The following SORCS2 variants were observed in gnomAD, a reference collection of about 807,000 sequenced individuals.
The protein encoded by SORCS2 is sortilin related VPS10 domain containing receptor 2.
A neutral mutation model predicts 141.6 loss-of-function variants in SORCS2; 100 were observed. The ratio of observed to expected loss-of-function variants is 0.71; its 90% CI spans 0.60 to 0.83. The LOEUF (loss-of-function observed/expected upper bound fraction) is 0.83. SORCS2 is among the 40% of genes least tolerant of loss of function. The pLI is 0.00. For missense variants in SORCS2, 1,646 were observed against 1,560.2 expected, an observed-to-expected ratio of 1.05 and a Z score of -0.93; for synonymous variants, 789 against 676.9, an observed-to-expected ratio of 1.17 and a Z score of -2.57.
At chr4:7,354,376 G>T (rs1245322366) in intron 1 of SORCS2, among the ~76,000 whole-genome samples, 8 of 151,982 alleles carry the variant, frequency 5.3e-5, no homozygotes, top group African/African-American at 1.9e-4. Context: ...TGGGGGCTCA[G>T]CCCCCTGGCT....
At chr4:7,283,351 G>A (rs1022102930) in intron 1 of SORCS2, among the ~76,000 whole-genome samples, 3 of 152,222 alleles carry the variant, frequency 2.0e-5, no homozygotes, top group African/African-American at 7.2e-5. Flanking sequence ...TTCCTGGGCT[G>A]CTTTGCAGGG....
rs574907294 is a variant in SORCS2 at position 7,628,850 on chromosome 4, C to T, written c.649-9478C>T. ...CACTGAACTGTACACTCGAGAAGGG[C>T]TCACAAGGGAAATTTTATGATATGT... is the stretch of plus-strand genomic sequence containing the variant. On this transcript the variant is annotated intron_variant, in intron 3 of 26. Transcript: ENST00000507866. 1.1e-4 allele frequency among the ~76,000 whole-genome samples: 16 copies of T among 152,288 alleles called. No individual in the cohort carries two copies. In the South Asian group the frequency reaches 3.3e-3, roughly 32 times the overall value.
At chr4:7,418,742 A>G (rs1204219995) in intron 2 of SORCS2, among the ~76,000 whole-genome samples, 2 of 141,802 alleles carry the variant, frequency 1.4e-5, no homozygotes, top group African/African-American at 5.1e-5. Context: ...AACAACAGTC[A>G]TTCATTGAGC....
chr4:7,451,911 C>G lies in SORCS2; in HGVS notation c.548+55556C>G, dbSNP rs370028756. ...CCTGGCAGGCAGCACCTTCCTCCTC[C>G]CAGGACAGGAGCGAGATCCCCTGAG... On this transcript the variant is annotated intron_variant, in intron 2 of 26. Transcript: ENST00000507866. 7.9e-5 allele frequency among the ~76,000 whole-genome samples: 12 copies of G among 152,314 alleles called. No homozygotes were observed. In the South Asian group the frequency reaches 1.7e-3, roughly 21 times the overall value.
intron 1 of SORCS2, among the ~76,000 whole-genome samples, chr4:7,284,745 CA>C (rs1307470788): frequency 6.6e-6 from 1 of 152,208 alleles, no homozygotes; most frequent in Admixed American, 6.5e-5. Context: ...CAAATTGCTA[CA>C]ACCGGGTGGC....
At chr4:7,658,023 G>A (rs1286578817) in intron 5 of SORCS2, among the ~76,000 whole-genome samples, 5 of 152,096 alleles carry the variant, frequency 3.3e-5, no homozygotes, top group African/African-American at 1.2e-4. Context: ...CTGAGTGAGC[G>A]AGTCTGTGAC....
intron 3 of SORCS2, among the ~76,000 whole-genome samples, chr4:7,564,271 C>A (rs575742747): frequency 6.6e-5 from 10 of 152,328 alleles, no homozygotes; most frequent in African/African-American, 2.4e-4. Flanking sequence ...GCCACGCTGC[C>A]CCTGTGGCCC....
intron 1 of SORCS2, among the ~76,000 whole-genome samples, chr4:7,275,203 T>C (rs1429533684): frequency 6.6e-6 from 1 of 152,130 alleles, no homozygotes; most frequent in Non-Finnish European, 1.5e-5. Context: ...AAAGATGATA[T>C]AGCTGCATCT....
chr4:7,434,738 AC>A (rs1248606871), intron 2 of SORCS2: 3 of 1,612,914 alleles, frequency 1.9e-6, no homozygotes, highest in Non-Finnish European at 1.7e-6. Flanking sequence ...CCTTGGCAGT[AC>A]CCCACAGCCC....
chr4:7,365,635 C>G (rs1721834872), intron 1 of SORCS2, among the ~76,000 whole-genome samples: 1 of 152,222 alleles, frequency 6.6e-6, no homozygotes, highest in African/African-American at 2.4e-5. Context: ...ACACCGCCCG[C>G]CTGCCCGCCC....
chr4:7,387,686 A>C (rs1476522241), intron 1 of SORCS2, among the ~76,000 whole-genome samples: 3 of 149,112 alleles, frequency 2.0e-5, no homozygotes, highest in African/African-American at 7.7e-5. Context: ...ATACAGGTAC[A>C]CAGAGATACA....
At chr4:7,639,747 A>C (rs575966907) in intron 4 of SORCS2, among the ~76,000 whole-genome samples, 3 of 140,258 alleles carry the variant, frequency 2.1e-5, no homozygotes, top group African/African-American at 8.1e-5. Context: ...GAGACTGTGA[A>C]TGTATGAGTG....
At chr4:7,713,256 CTG>C (rs2109037509) in intron 15 of SORCS2, among the ~76,000 whole-genome samples, 1 of 152,258 alleles carries the variant, frequency 6.6e-6, no homozygotes, top group East Asian at 1.9e-4. Flanking sequence ...AGACACATAA[CTG>C]TTTCTACAGC....
chr4:7,577,748 T>C (rs112838933), intron 3 of SORCS2, among the ~76,000 whole-genome samples: 3,716 of 149,668 alleles, frequency 0.025, 83 homozygotes, highest in African/African-American at 0.087. Context: ...TGCCATGGTT[T>C]GGAGAAGTCA....
At chr4:7,657,159 T>C (rs1187206583) in intron 5 of SORCS2, among the ~76,000 whole-genome samples, 1 of 152,202 alleles carries the variant, frequency 6.6e-6, no homozygotes, top group African/African-American at 2.4e-5. Context: ...GCCCAGGGCC[T>C]TCGCCAGTAC....
intron 5 of SORCS2, among the ~76,000 whole-genome samples, chr4:7,661,082 AG>A (rs1236079010): frequency 1.3e-5 from 2 of 152,208 alleles, no homozygotes; most frequent in Non-Finnish European, 2.9e-5. Flanking sequence ...TGGGAGTCCC[AG>A]GCCTGCCTGC....
intron 4 of SORCS2, among the ~76,000 whole-genome samples, chr4:7,640,902 T>A (rs1408121421): frequency 6.6e-6 from 1 of 151,944 alleles, no homozygotes; most frequent in African/African-American, 2.4e-5. Flanking sequence ...TTCCCACAGA[T>A]GGAATCCAAT....
At chr4:7,698,791 A>G (rs1482400023) in intron 12 of SORCS2, among the ~76,000 whole-genome samples, 1 of 151,926 alleles carries the variant, frequency 6.6e-6, no homozygotes, top group Non-Finnish European at 1.5e-5. Context: ...CTGGCGGTAC[A>G]GGACAGGCGC....
intron 1 of SORCS2, among the ~76,000 whole-genome samples, chr4:7,247,651 T>A (rs4689668): frequency 0.63 from 96,403 of 151,988 alleles, 32,092 homozygotes; most frequent in East Asian, 0.82. Flanking sequence ...TTTGTTTTGG[T>A]GGATGTCAAA....
Sources: gnomAD v4.1 joint callset for allele counts (sites outside exome capture counted in the v4.1 genomes callset) on GRCh38, gnomAD v4.1.1 for gene constraint, MANE v1.5 for transcripts, NCBI Gene and HGNC (gene_info 2026-07-23, HGNC 2026-07-21) for gene names.